The following LCOR variants were observed in gnomAD, a reference collection of about 807,000 sequenced individuals.
LCOR encodes the protein ligand-dependent corepressor.
In LCOR, 14 loss-of-function variants were observed where a neutral mutation model predicts 64.4. That is an observed-to-expected ratio of 0.22 (90% CI 0.14 to 0.34). The LOEUF (loss-of-function observed/expected upper bound fraction) is 0.34. Among genes scored for constraint, LCOR ranks in the 10% least tolerant of loss-of-function variants. The probability of loss-of-function intolerance (pLI) is 1.00; values close to 1 mark genes in which losing one functional copy is unlikely to be tolerated. For missense variants in LCOR, 1,686 were observed against 1,765.3 expected (o/e 0.96, Z 0.80); for synonymous variants, 643 against 642.5 (o/e 1.00, Z -0.01).
intron 4 of LCOR, among the ~76,000 whole-genome samples, chr10:96,933,889 G>A (rs1847305527): frequency 6.6e-6 from 1 of 152,162 alleles, no homozygotes; most frequent in African/African-American, 2.4e-5. Flanking sequence ...TTTCTCTTAT[G>A]TAGTTCATGA....
At chr10:96,946,996 C>T (rs1847600392) in intron 5 of LCOR, among the ~76,000 whole-genome samples, 1 of 151,936 alleles carries the variant, frequency 6.6e-6, no homozygotes, top group African/African-American at 2.4e-5. Flanking sequence ...GAAATTTATA[C>T]AATAGTTCAT....
chr10:96,938,039 C>T (rs1334668349), intron 4 of LCOR, among the ~76,000 whole-genome samples: 1 of 152,168 alleles, frequency 6.6e-6, no homozygotes, highest in Non-Finnish European at 1.5e-5. Context: ...GCAGCCTTGA[C>T]CTCCCAGGCT....
At chr10:96,937,523 C>T (rs1441327350) in intron 4 of LCOR, among the ~76,000 whole-genome samples, 1 of 152,014 alleles carries the variant, frequency 6.6e-6, no homozygotes, top group Non-Finnish European at 1.5e-5. Flanking sequence ...TTTTTTCTTT[C>T]TTTTTTTAAA....
chr10:96,874,348 C>T (rs1459515624), intron 2 of LCOR, among the ~76,000 whole-genome samples: 2 of 152,158 alleles, frequency 1.3e-5, no homozygotes, highest in Non-Finnish European at 2.9e-5. Flanking sequence ...ATGCCATTAT[C>T]CTGTCAGTAA....
In LCOR at chr10:96,833,271, C is replaced by T. The variant is rs558791979; in HGVS notation, c.-403-135C>T. ...GAATGCCCCGTCCGCCCCCCGCCTC[C>T]CGGACCTTGGGCCGCCCTCGGGTGG... On this transcript the variant is annotated intron_variant, in intron 1 of 7. Coordinates refer to ENST00000421806, the MANE Select transcript of LCOR (RefSeq NM_001346516.2). 4.4e-5 allele frequency: 42 copies of T among 958,234 alleles called. No individual in the cohort carries two copies. The South Asian group carries it at 1.8e-3, about 41-fold the overall frequency. The allele number at this position is 958,234 out of a possible 1,614,324, so 59.4% of individuals were successfully genotyped here. A position where few individuals can be genotyped will look rare whatever the true frequency, so the allele number is the denominator to read the frequency against.
rs781590888 is a variant in LCOR, at chr10:96,983,573, C to T, written c.3113C>T (p.Ser1038Phe). 2.5e-5 allele frequency: 40 copies of T among 1,614,048 alleles called. No individual in the cohort carries two copies. In the East Asian group the frequency reaches 6.2e-4, roughly 25 times the overall value. Residue 1038 changes from serine to phenylalanine, a missense_variant, in exon 8 of 8, where the codon TCT becomes TTT. By Grantham distance (155) the Ser-to-Phe change is radical (BLOSUM62 -2). This residue lies in a region of LCOR where 1,293 missense variants were observed against 1,410.4 expected (regional missense o/e 0.92). Coordinates refer to ENST00000421806, the MANE Select transcript of LCOR (RefSeq NM_001346516.2). This position sits in a 1 kb window ranked among gnomAD's most constrained non-coding sequence, Gnocchi z 4.5. The stretch of plus-strand genomic sequence containing the variant: ...GTGCCAAGGCCTAAAAGATTGACCT[C>T]TTCAACCTACAACCTAAGACACGCT... The part of the protein sequence containing the change: ...KSVPRPKRLT[S>F]STYNLRHAHS...
At chr10:96,936,899 T>C in intron 4 of LCOR, among the ~76,000 whole-genome samples, 1 of 152,174 alleles carries the variant, frequency 6.6e-6, no homozygotes, top group South Asian at 2.1e-4. Flanking sequence ...CAATAAGAGA[T>C]TAAAACTAAT....
intron 2 of LCOR, among the ~76,000 whole-genome samples, chr10:96,900,926 ACACCTGTAATCCCAGCACTTTGGGAGG>A (rs1395246040): frequency 6.8e-6 from 1 of 147,638 alleles, no homozygotes; most frequent in Non-Finnish European, 1.5e-5. Context: ...GCAGTGGCTC[ACACCTGTAATCCCAGCACTTTGGGAGG>A]CCAAGGCGGG....
chr10:96,856,917 G>T (rs1272087545), intron 2 of LCOR, among the ~76,000 whole-genome samples: 1 of 152,012 alleles, frequency 6.6e-6, no homozygotes, highest in East Asian at 1.9e-4. Flanking sequence ...GTTTACCTGG[G>T]ATGATACTGT....
intron 7 of LCOR, chr10:96,956,483 G>A: frequency 1.0e-6 from 1 of 983,808 alleles, no homozygotes; most frequent in Non-Finnish European, 1.2e-6. Flanking sequence ...GTTATTCACT[G>A]ACATAATTAT....
intron 5 of LCOR, among the ~76,000 whole-genome samples, chr10:96,946,625 A>G (rs1441944393): frequency 1.3e-5 from 2 of 152,032 alleles, no homozygotes; most frequent in Admixed American, 6.5e-5. Context: ...ATGTTTGTAG[A>G]TGTGTATTTT....
chr10:96,960,022 T>C (rs1847854224), intron 7 of LCOR: 1 of 152,220 alleles, frequency 6.6e-6, no homozygotes, highest in Admixed American at 6.5e-5. Context: ...AGCTATAATA[T>C]GAGCTATGTG....
rs1201732947 is a variant in LCOR at position 96,905,693 on chromosome 10, T to G, written c.-329-1572T>G. On this transcript the variant is annotated intron_variant, in intron 2 of 7. Transcript: ENST00000421806. ...TATTTTAATTTTAGTAGGTAAATAA[T>G]AGACATAGATACCTCCCATTTGTTT... 3.3e-5 allele frequency among the ~76,000 whole-genome samples: 5 copies of G among 152,196 alleles called. No homozygotes were observed. The East Asian group carries it at 7.7e-4, about 23-fold the overall frequency.
At chr10:96,870,291 G>A (rs1846051309) in intron 2 of LCOR, among the ~76,000 whole-genome samples, 1 of 152,280 alleles carries the variant, frequency 6.6e-6, no homozygotes, top group African/African-American at 2.4e-5. Flanking sequence ...GATTACAGGC[G>A]TGAGCCACCG....
At chr10:96,951,994 T>C (rs1847688531) in intron 6 of LCOR, 109 bp from the exon 7 acceptor site, 1 of 680,896 alleles carries the variant, frequency 1.5e-6, no homozygotes, top group South Asian at 1.8e-5. Flanking sequence ...GACTAGCATA[T>C]CTGCTTAGTT....
At chr10:96,899,949 A>G (rs1846605135) in intron 2 of LCOR, among the ~76,000 whole-genome samples, 1 of 152,120 alleles carries the variant, frequency 6.6e-6, no homozygotes, top group Admixed American at 6.5e-5. Context: ...ATACCTTACA[A>G]TTCACCTATT....
intron 2 of LCOR, among the ~76,000 whole-genome samples, chr10:96,873,909 C>T (rs774248484): frequency 6.6e-6 from 1 of 152,100 alleles, no homozygotes; most frequent in Non-Finnish European, 1.5e-5. Context: ...GAAGGGATAG[C>T]ATCATGGAGT....
At chr10:96,873,548 G>C (rs1220179582) in intron 2 of LCOR, among the ~76,000 whole-genome samples, 1 of 143,530 alleles carries the variant, frequency 7.0e-6, no homozygotes, top group Non-Finnish European at 1.5e-5. Flanking sequence ...AAGTTGTTTT[G>C]TTTTTCGATA....
chr10:96,972,539 A>T (rs1340911983), intron 7 of LCOR, among the ~76,000 whole-genome samples: 1 of 152,204 alleles, frequency 6.6e-6, no homozygotes, highest in African/African-American at 2.4e-5. Flanking sequence ...CATCCTGGGT[A>T]CATTTGTCTG....
Sources: gnomAD v4.1 joint callset for allele counts (sites outside exome capture counted in the v4.1 genomes callset) on GRCh38, gnomAD v4.1.1 for gene constraint, gnomAD v4.1.1 regional missense constraint, Gnocchi (gnomAD v3.1) non-coding constraint, MANE v1.5 for transcripts, NCBI Gene and HGNC (gene_info 2026-07-23, HGNC 2026-07-21) for gene names.